The following DAAM1 variants were observed in gnomAD, a reference collection of about 807,000 sequenced individuals.
DAAM1 encodes the protein disheveled-associated activator of morphogenesis 1.
A neutral mutation model predicts 130.0 loss-of-function variants in DAAM1; 52 were observed. The observed-to-expected ratio is 0.40, with a 90% CI of 0.32 to 0.50. DAAM1 has a LOEUF of 0.50. Ranked by LOEUF, DAAM1 falls within the 20% of genes least tolerant of loss-of-function variation. The probability of loss-of-function intolerance (pLI) is 0.61; values close to 1 mark genes in which losing one functional copy is unlikely to be tolerated. For synonymous variants in DAAM1, 452 were observed against 444.5 expected (o/e 1.02, Z -0.21); for missense variants, 1,134 against 1,303.8 (o/e 0.87, Z 2.01).
Position 59,367,563 on chromosome 14 carries a change from G to C in DAAM1, c.2961G>C (p.Lys987Asn), listed in dbSNP as rs1412193909. The C allele has an allele frequency of 6.2e-7, 1 of 1,613,726 alleles. No homozygotes were observed. Among genetic ancestry groups the C allele is most frequent in the Non-Finnish European group, 8.5e-7 (1 of 1,179,898 alleles). The stretch of plus-strand genomic sequence containing the variant: ...AAAACGAAAATATGAGAAAGAAAAA[G>C]GAGGAAGAAGAACGTCGAGCTCGCA... Reference protein sequence around the residue: ...KQENENMRKKKEEEERRARME... With the variant: ...KQENENMRKKNEEEERRARME... The change falls in exon 24 of 25, where the codon AAG becomes AAC. Residue 987 changes from lysine to asparagine, a missense_variant. Coordinates refer to ENST00000360909, the MANE Select transcript of DAAM1 (RefSeq NM_001270520.2).
intron 16 of DAAM1, 122 bp from the exon 17 acceptor site, chr14:59,347,417 C>A (rs1201035666): frequency 1.1e-6 from 1 of 886,544 alleles, no homozygotes; most frequent in Non-Finnish European, 1.8e-6. Context: ...AGGAAATAAG[C>A]TTTCACTGAG....
intron 1 of DAAM1, among the ~76,000 whole-genome samples, 195 bp downstream of exon 1, chr14:59,188,963 C>T (rs540198204): frequency 1.3e-5 from 2 of 152,252 alleles, no homozygotes; most frequent in East Asian, 3.9e-4. Flanking sequence ...GGAACGGGAC[C>T]GAGACAGCTC....
chr14:59,194,548 C>T (rs76256424), intron 1 of DAAM1, among the ~76,000 whole-genome samples: 34 of 152,174 alleles, frequency 2.2e-4, no homozygotes, highest in Non-Finnish European at 4.0e-4. Flanking sequence ...TCACCCTGAA[C>T]AGGGCCACAG....
chr14:59,271,344 C>G (rs1040343210), intron 2 of DAAM1, among the ~76,000 whole-genome samples: 1 of 151,590 alleles, frequency 6.6e-6, no homozygotes, highest in African/African-American at 2.4e-5. Flanking sequence ...ATGGTGGATA[C>G]TGTAGGATGA....
Position 59,330,697 on chromosome 14 carries a change from T to C in DAAM1, c.1560+9T>C. ...TCCATGAGCTCAGCAGGGTGAGGTC[T>C]TCCGCTCAGCTCACGGGCAGCTGCC... On this transcript the variant is annotated intron_variant, in intron 13 of 24. Transcript: ENST00000360909. The C allele has an allele frequency of 6.3e-7, 1 of 1,599,226 alleles. No individual in the cohort carries two copies. The highest frequency in any genetic ancestry group is 8.5e-7 in the Non-Finnish European group (1 of 1,173,596).
chr14:59,248,244 G>A (rs1035090210), intron 1 of DAAM1, among the ~76,000 whole-genome samples: 1 of 152,188 alleles, frequency 6.6e-6, no homozygotes, highest in African/African-American at 2.4e-5. Flanking sequence ...AGAGTTGGGT[G>A]GAGAGGACAT....
chr14:59,306,150 C>T (rs1884374786), intron 3 of DAAM1, among the ~76,000 whole-genome samples: 2 of 151,866 alleles, frequency 1.3e-5, no homozygotes, highest in Admixed American at 6.6e-5. Context: ...TGTAGCTATA[C>T]TTGCAAAGAC....
intron 1 of DAAM1, among the ~76,000 whole-genome samples, chr14:59,197,529 A>T (rs991344721): frequency 1.3e-5 from 2 of 152,234 alleles, no homozygotes; most frequent in African/African-American, 4.8e-5. Context: ...ATAGAGATTA[A>T]ACTGGAAATA....
intron 2 of DAAM1, among the ~76,000 whole-genome samples, chr14:59,267,837 T>C (rs1427081748): frequency 6.6e-6 from 1 of 152,086 alleles, no homozygotes; most frequent in African/African-American, 2.4e-5. Flanking sequence ...CCTTAGAGCA[T>C]GTACCAGTAC....
chr14:59,239,864 C>T (rs1217768454), intron 1 of DAAM1, among the ~76,000 whole-genome samples: 1 of 152,138 alleles, frequency 6.6e-6, no homozygotes, highest in Non-Finnish European at 1.5e-5. Context: ...CTTTTTAGCA[C>T]CATACATACC....
intron 2 of DAAM1, among the ~76,000 whole-genome samples, chr14:59,286,160 C>T (rs1883442395): frequency 6.6e-6 from 1 of 152,036 alleles, no homozygotes; most frequent in South Asian, 2.1e-4. Context: ...AAACAACCTG[C>T]TCCTGAAAGA....
chr14:59,323,174 G>T lies in DAAM1; in HGVS notation c.723G>T (p.Leu241=), dbSNP rs17096074. 0.078 allele frequency: 126,421 copies of T among 1,613,482 alleles called. 5,507 individuals carry two copies. Among genetic ancestry groups the T allele is most frequent in the Non-Finnish European group, 0.09 (106,044 of 1,179,710 alleles). The change falls in exon 6 of 25, where the codon CTG becomes CTT. Residue 241 remains leucine, a synonymous_variant. Coordinates refer to ENST00000360909, the MANE Select transcript of DAAM1 (RefSeq NM_001270520.2). The part of the protein sequence containing the change: ...CLVPGGHKKV[L]QAMLHYQKYA... ...TTCCCGGGGGCCACAAGAAGGTTCT[G>T]CAGGCCATGCTGCACTACCAGAAGT...
At chr14:59,231,582 A>G (rs1028210773) in intron 1 of DAAM1, among the ~76,000 whole-genome samples, 3 of 152,178 alleles carry the variant, frequency 2.0e-5, no homozygotes, top group African/African-American at 7.2e-5. Context: ...TCAGACAGCC[A>G]GGGTTCAGAT....
intron 22 of DAAM1, among the ~76,000 whole-genome samples, chr14:59,361,681 G>A (rs1417093074): frequency 6.6e-6 from 1 of 152,196 alleles, no homozygotes; most frequent in Non-Finnish European, 1.5e-5. Flanking sequence ...TGCCCTGCGG[G>A]TACTCTGCAG....
chr14:59,364,014 C>T (rs1032461175), intron 23 of DAAM1, among the ~76,000 whole-genome samples: 2 of 152,286 alleles, frequency 1.3e-5, no homozygotes, highest in East Asian at 1.9e-4. Context: ...TCTGACTGGC[C>T]TATGTTGCCT....
chr14:59,210,974 CTAAAA>C (rs67143515), intron 1 of DAAM1, among the ~76,000 whole-genome samples: 20,358 of 152,102 alleles, frequency 0.13, 1,748 homozygotes, highest in East Asian at 0.32. Context: ...AAATGCTTGT[CTAAAA>C]TATTTGCAGC....
At position 59,367,566 on chromosome 14, in the gene DAAM1, G is replaced by T; in HGVS notation, c.2964G>T (p.Glu988Asp). Residue 988 changes from glutamate to aspartate, a missense_variant, in exon 24 of 25, where the codon GAG becomes GAT. Coordinates refer to ENST00000360909, the MANE Select transcript of DAAM1 (RefSeq NM_001270520.2). ...ACGAAAATATGAGAAAGAAAAAGGA[G>T]GAAGAAGAACGTCGAGCTCGCATGG... is the stretch of plus-strand genomic sequence containing the variant. ...QENENMRKKK[E>D]EEERRARMEA... is the part of the protein sequence containing the mutation. 6.2e-7 allele frequency: 1 copy of T among 1,613,824 alleles called. No homozygotes were observed. Among genetic ancestry groups the T allele is most frequent in the Non-Finnish European group, 8.5e-7 (1 of 1,179,860 alleles).
intron 3 of DAAM1, among the ~76,000 whole-genome samples, chr14:59,302,518 A>G (rs565782339): frequency 6.6e-6 from 1 of 152,308 alleles, no homozygotes; most frequent in East Asian, 1.9e-4. Context: ...GTGCTGCACC[A>G]TGGGAAGAAT....
In DAAM1 at chr14:59,324,162, G is replaced by A. The variant is rs754289580; in HGVS notation, c.809G>A (p.Arg270Gln). The change falls in exon 7 of 25, where the codon CGG becomes CAG. Residue 270 changes from arginine (R) to glutamine (Q), a missense_variant. Around this residue, in one of 3 missense-constraint regions of DAAM1, gnomAD observed 391 missense variants for 521.6 expected, o/e 0.75. Transcript: ENST00000360909. ...LINDLDKSTG[R>Q]YRDEVSLKTA... ...AACGACTTGGATAAAAGCACTGGGC[G>A]GTATCGAGATGAAGTGAGTCTCAAG... 1.5e-5 allele frequency: 22 copies of A among 1,446,348 alleles called. No individual in the cohort carries two copies. Among genetic ancestry groups the A allele is most frequent in the Middle Eastern group, 1.8e-4 (1 of 5,448 alleles). 89.6% of individuals were successfully genotyped at this position (1,446,348 alleles called of 1,614,324 possible). A position where few individuals can be genotyped will look rare whatever the true frequency, so the allele number is the denominator to read the frequency against.
Sources: allele counts gnomAD v4.1 joint callset (sites outside exome capture counted in the v4.1 genomes callset), GRCh38; gene constraint gnomAD v4.1.1; regional missense constraint gnomAD v4.1.1; transcripts MANE v1.5; gene names NCBI Gene and HGNC (gene_info 2026-07-23, HGNC 2026-07-21).